VRK2: variants seen among roughly 807,000 people sequenced by gnomAD.
VRK2 encodes VRK serine/threonine kinase 2.
Under a neutral mutation model 57.6 loss-of-function variants are expected in VRK2, and 60 were observed. The observed-to-expected ratio is 1.04, with a 90% CI of 0.85 to 1.29. The LOEUF (loss-of-function observed/expected upper bound fraction) is 1.29. Among genes scored for constraint, VRK2 ranks in the 50% most tolerant of loss-of-function variants. The probability of loss-of-function intolerance (pLI) is 0.00; values close to 1 mark genes in which losing one functional copy is unlikely to be tolerated. For synonymous variants in VRK2, 231 were observed against 199.2 expected (o/e 1.16, Z -1.35); for missense variants, 705 against 588.1 (o/e 1.20, Z -2.06).
chr2:58,069,050 G>C lies in VRK2; in HGVS notation c.137-15039G>C, dbSNP rs111836330. On this transcript the variant is annotated intron_variant, in intron 2 of 12. Coordinates refer to ENST00000340157, the MANE Select transcript of VRK2 (RefSeq NM_006296.7). ...CTATTCATTGTCTTTTCATATATGA[G>C]TTTTTTTCTGCTTCTTTGTATGCCT... Among the ~76,000 whole-genome samples the C allele has an allele frequency of 3.6e-3, 543 of 152,034 alleles. 4 individuals are homozygous for C. Among genetic ancestry groups the C allele is most frequent in the Admixed American group, 0.012 (183 of 15,246 alleles).
intron 10 of VRK2, among the ~76,000 whole-genome samples, chr2:58,137,923 A>G (rs73944821): frequency 0.018 from 2,726 of 152,284 alleles, 77 homozygotes; most frequent in African/African-American, 0.064. Flanking sequence ...TCTACGCTTC[A>G]GGTTTGTAAT....
At chr2:58,126,620 A>T (rs997043301) in intron 8 of VRK2, among the ~76,000 whole-genome samples, 13 of 152,074 alleles carry the variant, frequency 8.5e-5, no homozygotes, top group Admixed American at 7.9e-4. Context: ...ATGTTTTTTT[A>T]AAAATTGTGT....
At chr2:58,095,043 C>T (rs375457959) in intron 7 of VRK2, among the ~76,000 whole-genome samples, 3 of 152,192 alleles carry the variant, frequency 2.0e-5, no homozygotes, top group Admixed American at 6.5e-5. Context: ...CGCCTGTAAT[C>T]TCAGCACTTT....
chr2:58,143,609 T>C (rs1035824000), intron 11 of VRK2, among the ~76,000 whole-genome samples: 2 of 151,910 alleles, frequency 1.3e-5, no homozygotes, highest in African/African-American at 4.8e-5. Context: ...GAATTTTGCT[T>C]ATACGTCAGA....
At chr2:58,135,015 CAAAA>C (rs879151541) in intron 9 of VRK2, 122 bp from the exon 10 acceptor site, 6 of 780,168 alleles carry the variant, frequency 7.7e-6, no homozygotes, top group South Asian at 2.0e-5. Flanking sequence ...AGTTGGGTGA[CAAAA>C]AAAAAAGCAT....
chr2:57,913,244 A>G (rs1346318702), intron 1 of VRK2, among the ~76,000 whole-genome samples: 1 of 152,120 alleles, frequency 6.6e-6, no homozygotes, highest in Non-Finnish European at 1.5e-5. Flanking sequence ...TAGTTATTTT[A>G]CATTACGCAA....
At chr2:58,015,439 C>A (rs890218833) in intron 1 of VRK2, among the ~76,000 whole-genome samples, 2 of 152,068 alleles carry the variant, frequency 1.3e-5, no homozygotes, top group Admixed American at 1.3e-4. Flanking sequence ...ATTCTATTGA[C>A]CTTACATGGA....
chr2:58,132,687 A>C (rs1281140347), intron 9 of VRK2, among the ~76,000 whole-genome samples: 4 of 152,202 alleles, frequency 2.6e-5, no homozygotes, highest in Non-Finnish European at 2.9e-5. Flanking sequence ...TAAGTAGGAA[A>C]ATCACAACAG....
intron 1 of VRK2, among the ~76,000 whole-genome samples, chr2:57,988,786 C>T (rs1306163209): frequency 1.3e-5 from 2 of 152,168 alleles, no homozygotes; most frequent in Non-Finnish European, 2.9e-5. Context: ...ACCAATTTCC[C>T]GGTTCCCTGG....
At chr2:58,084,162 A>G in intron 3 of VRK2, 24 bp downstream of exon 3, 6 of 1,581,434 alleles carry the variant, frequency 3.8e-6, no homozygotes, top group Non-Finnish European at 5.2e-6. Flanking sequence ...ATAGATTTGT[A>G]TTTCACATAT....
chr2:58,089,691 A>T lies in VRK2; in HGVS notation c.511A>T (p.Asn171Tyr). 1 of 1,609,470 alleles carries T rather than the reference A, an allele frequency of 6.2e-7. No homozygotes were observed. ...TGTTCATGGTGATATAAAAGCAGCA[A>T]ATCTACTTTTGGGTTACAAAAATCC... ...EYVHGDIKAA[N>Y]LLLGYKNPDQ... is the part of the protein sequence containing the mutation. Residue 171 changes from asparagine (N) to tyrosine (Y), a missense_variant, in exon 7 of 13, where the codon AAT (asparagine) becomes TAT (tyrosine). Transcript: ENST00000340157.
intron 1 of VRK2, among the ~76,000 whole-genome samples, chr2:57,979,133 C>T (rs192586846): frequency 6.6e-6 from 1 of 151,196 alleles, no homozygotes; most frequent in Admixed American, 6.5e-5. Context: ...CATACGTGTG[C>T]ATGTGTTTTT....
At chr2:58,144,735 G>T (rs368782260) in intron 11 of VRK2, among the ~76,000 whole-genome samples, 1 of 151,980 alleles carries the variant, frequency 6.6e-6, no homozygotes, top group South Asian at 2.1e-4. Context: ...TTTCCCAGTA[G>T]TTTGGGAAGG....
At position 58,046,887 on chromosome 2, in the gene VRK2, G is replaced by A. The variant is rs1191907167; in HGVS notation, c.-6+19G>A. On this transcript the variant is annotated intron_variant, in intron 1 of 12. Coordinates refer to ENST00000340157, the MANE Select transcript of VRK2 (RefSeq NM_006296.7). The stretch of plus-strand genomic sequence containing the variant: ...AGGCCCGGTCAGTCTCTTGCTCTGG[G>A]GTCTTGGGTGGCGGGCGGCACCTCC... 1 of 985,380 alleles carries A rather than the reference G, an allele frequency of 1.0e-6. No homozygotes were observed. Among genetic ancestry groups the A allele is most frequent in the Middle Eastern group, 5.2e-4 (1 of 1,914 alleles). 61.0% of individuals were successfully genotyped at this position (985,380 alleles called of 1,614,324 possible).
chr2:58,090,958 G>T (rs190525812), intron 7 of VRK2, among the ~76,000 whole-genome samples: 4 of 152,236 alleles, frequency 2.6e-5, no homozygotes, highest in Non-Finnish European at 5.9e-5. Flanking sequence ...ATCTGAAAAG[G>T]CTAGTTACTA....
intron 7 of VRK2, among the ~76,000 whole-genome samples, chr2:58,090,122 G>A (rs997296528): frequency 6.0e-5 from 9 of 148,814 alleles, no homozygotes; most frequent in Admixed American, 2.7e-4. Context: ...GAGGCCGGGC[G>A]CGGTGGCTCA....
At chr2:57,993,853 G>C (rs1388826202) in intron 1 of VRK2, among the ~76,000 whole-genome samples, 1 of 152,198 alleles carries the variant, frequency 6.6e-6, no homozygotes, top group Non-Finnish European at 1.5e-5. Context: ...TGTCTCCCAT[G>C]TTCCCTAATG....
At chr2:58,077,752 G>T (rs755300641) in intron 2 of VRK2, among the ~76,000 whole-genome samples, 1 of 151,964 alleles carries the variant, frequency 6.6e-6, no homozygotes, top group Non-Finnish European at 1.5e-5. Flanking sequence ...TGTGCGTACT[G>T]CCACAATTTA....
At chr2:57,965,228 C>T (rs772248519) in intron 1 of VRK2, among the ~76,000 whole-genome samples, 6 of 152,068 alleles carry the variant, frequency 3.9e-5, no homozygotes, top group South Asian at 4.1e-4. Context: ...CTTAAAAAGC[C>T]GGAAGACCTC....
Sources: gnomAD v4.1 joint callset for allele counts (sites outside exome capture counted in the v4.1 genomes callset) on GRCh38, gnomAD v4.1.1 for gene constraint, MANE v1.5 for transcripts, NCBI Gene and HGNC (gene_info 2026-07-23, HGNC 2026-07-21) for gene names.